Variants in CCDC88A observed in about 807,000 individuals in gnomAD.
CCDC88A encodes girdin.
CCDC88A carries 54 observed loss-of-function variants against 234.3 expected under a neutral mutation model. The observed-to-expected ratio is 0.23, with a 90% confidence interval of 0.19 to 0.29. The LOEUF is 0.29. Among genes scored for constraint, CCDC88A ranks in the 10% least tolerant of loss-of-function variants. The pLI, the probability that CCDC88A is intolerant of heterozygous loss-of-function variation, is 1.00. For synonymous variants in CCDC88A, 753 were observed against 737.8 expected (o/e 1.02, Z -0.33); for missense variants, 1,832 against 2,123.4 (o/e 0.86, Z 2.70).
At chr2:55,376,499 T>A (rs1217843402) in intron 3 of CCDC88A, among the ~76,000 whole-genome samples, 2 of 152,184 alleles carry the variant, frequency 1.3e-5, no homozygotes, top group African/African-American at 4.8e-5. Flanking sequence ...GTGGGTGGCA[T>A]GACACCAGAT....
chr2:55,380,476 G>C (rs1375178728), intron 3 of CCDC88A, among the ~76,000 whole-genome samples: 1 of 152,080 alleles, frequency 6.6e-6, no homozygotes, highest in Admixed American at 6.6e-5. Flanking sequence ...AAAAAAGAAA[G>C]AACTGGCAGA....
chr2:55,343,933 C>T (rs1668793423), intron 11 of CCDC88A, 141 bp from the exon 12 acceptor site: 1 of 666,048 alleles, frequency 1.5e-6, no homozygotes. Flanking sequence ...GTTTTGAAGG[C>T]AATTATAATT....
intron 5 of CCDC88A, among the ~76,000 whole-genome samples, chr2:55,368,458 CCTCT>C (rs879617904): frequency 4.0e-5 from 6 of 150,708 alleles, no homozygotes; most frequent in East Asian, 1.9e-4. Context: ...TTCCCCCCTC[CCTCT>C]CTCTCTCTTT....
At chr2:55,304,213 G>A (rs1340357049) in intron 25 of CCDC88A, among the ~76,000 whole-genome samples, 1 of 152,100 alleles carries the variant, frequency 6.6e-6, no homozygotes, top group Non-Finnish European at 1.5e-5. Context: ...CAGGAGGATC[G>A]CTTGAGCCCA....
At chr2:55,416,437 TAAATAA>T (rs1343220154) in intron 2 of CCDC88A, among the ~76,000 whole-genome samples, 53 of 31,756 alleles carry the variant, frequency 1.7e-3, no homozygotes, top group African/African-American at 4.5e-3. Flanking sequence ...AATAAATAAA[TAAATAA>T]ATATATATAT....
At chr2:55,405,481 C>T (rs1469186961) in intron 2 of CCDC88A, 1 of 152,182 alleles carries the variant, frequency 6.6e-6, no homozygotes, top group African/African-American at 2.4e-5. Context: ...TTTCAAATAC[C>T]TGCTTGGGAT....
At position 55,309,430 on chromosome 2, in the gene CCDC88A, C is replaced by A. The variant is rs1682040130; in HGVS notation, c.4080-176G>T. ...ACAATGGGAATTTTTCCATGTTTCT[C>A]CTTTTTTAAAAATTTACATTTTTTT... On this transcript the variant is annotated intron_variant, in intron 23 of 32. Coordinates refer to ENST00000436346, the MANE Select transcript of CCDC88A (RefSeq NM_001365480.1). The surrounding 1 kb of genome is among the most constrained non-coding windows in gnomAD (Gnocchi z 5.1). Among the ~76,000 whole-genome samples the A allele has an allele frequency of 6.6e-6, 1 of 151,838 alleles. No homozygotes were observed. Among genetic ancestry groups the A allele is most frequent in the Non-Finnish European group, 1.5e-5 (1 of 67,934 alleles).
chr2:55,294,980 T>G (rs369124218), intron 31 of CCDC88A: 1 of 1,198,544 alleles, frequency 8.3e-7, no homozygotes. Context: ...CCAAATGATA[T>G]TTTGTTAACA....
chr2:55,384,667 A>ATATT, intron 3 of CCDC88A, among the ~76,000 whole-genome samples: 1 of 5,858 alleles, frequency 1.7e-4, no homozygotes, highest in Middle Eastern at 0.1. Flanking sequence ...ATATATATAT[A>ATATT]TTTTTTAAAG....
chr2:55,384,362 G>A (rs969575487), intron 3 of CCDC88A, among the ~76,000 whole-genome samples: 6 of 149,642 alleles, frequency 4.0e-5, no homozygotes, highest in African/African-American at 1.5e-4. Flanking sequence ...ATATATTCAG[G>A]TGATAACAGT....
intron 31 of CCDC88A, among the ~76,000 whole-genome samples, chr2:55,293,260 TAACA>T (rs1679643924): frequency 1.3e-5 from 2 of 152,216 alleles, no homozygotes; most frequent in Non-Finnish European, 2.9e-5. Flanking sequence ...ACACTAATTA[TAACA>T]TTTGTGTCAT....
chr2:55,306,270 ATTAAG>A (rs1681554879), intron 25 of CCDC88A: 1 of 152,172 alleles, frequency 6.6e-6, no homozygotes, highest in Admixed American at 6.5e-5. Context: ...AACAGATAAA[ATTAAG>A]TTATCTGCCA....
intron 5 of CCDC88A, among the ~76,000 whole-genome samples, chr2:55,367,808 G>T (rs3099077): frequency 0.44 from 67,258 of 151,358 alleles, 16,251 homozygotes; most frequent in East Asian, 0.85. Flanking sequence ...AATACTAACG[G>T]TAGATTCCTT....
intron 13 of CCDC88A, chr2:55,337,245 G>A (rs1306654896): frequency 6.6e-6 from 1 of 152,094 alleles, no homozygotes; most frequent in Non-Finnish European, 1.5e-5. Flanking sequence ...AAACAGTACA[G>A]TATAAGCTTA....
In CCDC88A at chr2:55,309,138, T is replaced by C. The variant is rs753316909; in HGVS notation, c.4172+24A>G. 6.2e-6 allele frequency: 9 copies of C among 1,458,854 alleles called. No individual in the cohort carries two copies. The Admixed American group carries it at 9.1e-5, about 15-fold the overall frequency. The allele number at this position is 1,458,854 out of a possible 1,614,324, so 90.4% of individuals were successfully genotyped here. A position where few individuals can be genotyped will look rare whatever the true frequency, so the allele number is the denominator to read the frequency against. On this transcript the variant is annotated intron_variant, in intron 24 of 32. Coordinates refer to ENST00000436346, the MANE Select transcript of CCDC88A (RefSeq NM_001365480.1). This position sits in a 1 kb window ranked among gnomAD's most constrained non-coding sequence, Gnocchi z 5.1. ...CTAGTGTTTTTTTTCAGAATAAGAA[T>C]TCATAAAATTTGGTTAATGGTACCT...
rs992071693 is a variant in CCDC88A, at chr2:55,339,568, A to C, written c.1414T>G (p.Leu472Val). ...CGAAGCTCTTCTACGGTTTTTGTCAAACTTTGATTTTCCATCTCTAGCTTC... is the reference window on the plus strand; with the variant it reads ...CGAAGCTCTTCTACGGTTTTTGTCACACTTTGATTTTCCATCTCTAGCTTC... ...LLKLEMENQS[L>V]TKTVEELRTT... The change falls in exon 13 of 33, where the codon TTG becomes GTG. Residue 472 changes from leucine to valine, a missense_variant. This residue lies in a region of CCDC88A where 1,282 missense variants were observed against 1,543.6 expected (regional missense o/e 0.83). Coordinates refer to ENST00000436346, the MANE Select transcript of CCDC88A (RefSeq NM_001365480.1). 1 of 1,613,870 alleles carries C rather than the reference A, an allele frequency of 6.2e-7. No individual in the cohort carries two copies. The highest frequency in any genetic ancestry group is 1.1e-5 in the South Asian group (1 of 91,060).
intron 16 of CCDC88A, among the ~76,000 whole-genome samples, chr2:55,330,347 C>T (rs1033173042): frequency 3.3e-5 from 5 of 151,962 alleles, no homozygotes; most frequent in Non-Finnish European, 7.4e-5. Context: ...GTGGTGCGTG[C>T]CTGTAATCCC....
intron 25 of CCDC88A, chr2:55,308,382 C>T (rs898303534): frequency 1.3e-5 from 2 of 154,122 alleles, no homozygotes; most frequent in African/African-American, 4.8e-5. Flanking sequence ...GTGACACCAT[C>T]AAAGTATATG....
In CCDC88A at chr2:55,332,984, C is replaced by T. The variant is rs1052076015; in HGVS notation, c.2728-291G>A. Among the ~76,000 whole-genome samples, 1 of 152,112 alleles carries T rather than the reference C, an allele frequency of 6.6e-6. No homozygotes were observed. The highest frequency in any genetic ancestry group is 1.5e-5 in the Non-Finnish European group (1 of 68,008). On this transcript the variant is annotated intron_variant, in intron 15 of 32. Coordinates refer to ENST00000436346, the MANE Select transcript of CCDC88A (RefSeq NM_001365480.1). This position sits in a 1 kb window ranked among gnomAD's most constrained non-coding sequence, Gnocchi z 4.5. The stretch of plus-strand genomic sequence containing the variant: ...AACTGGGGAAAATCATATCCATTTA[C>T]TTTTTAATAATGAGCCTGAACTTTA...
Sources: allele counts gnomAD v4.1 joint callset (sites outside exome capture counted in the v4.1 genomes callset), GRCh38; gene constraint gnomAD v4.1.1; regional missense constraint gnomAD v4.1.1; non-coding constraint Gnocchi (gnomAD v3.1); transcripts MANE v1.5; gene names NCBI Gene and HGNC (gene_info 2026-07-23, HGNC 2026-07-21).